IL4R: variants seen among roughly 807,000 people sequenced by gnomAD.
The protein encoded by IL4R is interleukin-4 receptor subunit alpha.
IL4R carries 17 observed loss-of-function variants against 41.5 expected under a neutral mutation model. The ratio of observed to expected loss-of-function variants is 0.41; its 90% CI spans 0.28 to 0.61. The LOEUF is 0.61. IL4R is among the 20% of genes least tolerant of loss of function. IL4R has a pLI of 0.31. For synonymous variants in IL4R, 402 were observed against 422.9 expected (o/e 0.95, Z 0.61); for missense variants, 974 against 1,043.1 (o/e 0.93, Z 0.91).
chr16:27,336,178 C>T (rs1204377566), intron 2 of IL4R, among the ~76,000 whole-genome samples: 5 of 152,080 alleles, frequency 3.3e-5, no homozygotes, highest in Non-Finnish European at 5.9e-5. Context: ...TAACTTAGCT[C>T]GGAACACTTG....
chr16:27,351,508 C>G (rs1034882120), intron 6 of IL4R, among the ~76,000 whole-genome samples: 4 of 113,890 alleles, frequency 3.5e-5, no homozygotes, highest in Non-Finnish European at 6.9e-5. Flanking sequence ...CTCTCTCTCT[C>G]TCTTTTTTTT....
chr16:27,357,618 G>A (rs2086123316), intron 8 of IL4R, among the ~76,000 whole-genome samples: 1 of 149,448 alleles, frequency 6.7e-6, no homozygotes, highest in East Asian at 2.0e-4. Context: ...CGTGTGCCAC[G>A]ACACCCAGCT....
intron 1 of IL4R, among the ~76,000 whole-genome samples, chr16:27,329,112 G>T (rs1471943443): frequency 1.3e-5 from 2 of 151,970 alleles, no homozygotes; most frequent in African/African-American, 4.8e-5. Flanking sequence ...CACAAGATCT[G>T]GTTGTTTAGA....
intron 10 of IL4R, chr16:27,361,138 C>A (rs2086269103): frequency 1.3e-6 from 1 of 787,872 alleles, no homozygotes; most frequent in Non-Finnish European, 1.7e-6. Context: ...ATCCTGAACA[C>A]TCCCCTCCTT....
chr16:27,338,516 G>C (rs2085332190), intron 2 of IL4R, among the ~76,000 whole-genome samples: 1 of 123,970 alleles, frequency 8.1e-6, no homozygotes. Flanking sequence ...ACCACACCTG[G>C]CTTCTGAACA....
chr16:27,326,891 G>A (rs1325576914), intron 1 of IL4R, among the ~76,000 whole-genome samples: 1 of 152,138 alleles, frequency 6.6e-6, no homozygotes, highest in African/African-American at 2.4e-5. Context: ...GGCCTGGCCT[G>A]CCTTACTATC....
chr16:27,322,374 G>C (rs189087786), intron 1 of IL4R, among the ~76,000 whole-genome samples: 1 of 151,960 alleles, frequency 6.6e-6, no homozygotes, highest in Non-Finnish European at 1.5e-5. Context: ...ATGGGATTTC[G>C]CTATGTTTCC....
rs565583339 is a variant in IL4R, at chr16:27,337,528, T to C, written c.-18-2658T>C. ...AAGTGAAGGATGGGCACTTGAAATG[T>C]TGCAGGGAATATAACCCAGCGCGTG... On this transcript the variant is annotated intron_variant, in intron 2 of 10. Coordinates refer to ENST00000395762, the MANE Select transcript of IL4R (RefSeq NM_000418.4). Among the ~76,000 whole-genome samples the C allele has an allele frequency of 1.4e-4, 21 of 152,146 alleles. No individual in the cohort carries two copies. The South Asian group carries it at 4.1e-3, about 30-fold the overall frequency.
rs1394434523 is a variant in IL4R, at chr16:27,343,372, T to G, written c.209+1113T>G. On this transcript the variant is annotated intron_variant, in intron 4 of 10. Transcript: ENST00000395762. ...AGTTTTATTGGAACACACTGGCTGC[T>G]GTAGTTGTAACAGAAACTGCATGGC... 3.3e-5 allele frequency among the ~76,000 whole-genome samples: 5 copies of G among 152,304 alleles called. No homozygotes were observed. In the East Asian group the frequency reaches 7.7e-4, roughly 24 times the overall value.
chr16:27,335,541 A>G (rs914629301), intron 2 of IL4R, among the ~76,000 whole-genome samples: 2 of 152,036 alleles, frequency 1.3e-5, no homozygotes, highest in Non-Finnish European at 2.9e-5. Flanking sequence ...GGCCTCCTCC[A>G]TTTATTGATC....
intron 1 of IL4R, among the ~76,000 whole-genome samples, chr16:27,326,459 C>T (rs965984081): frequency 6.6e-6 from 1 of 152,016 alleles, no homozygotes; most frequent in African/African-American, 2.4e-5. Context: ...ATGATTGTGC[C>T]ATAGCACTCC....
chr16:27,345,099 A>C lies in IL4R; in HGVS notation c.361+79A>C. On this transcript the variant is annotated intron_variant, in intron 5 of 10. Coordinates refer to ENST00000395762, the MANE Select transcript of IL4R (RefSeq NM_000418.4). This position sits in a 1 kb window ranked among gnomAD's most constrained non-coding sequence, Gnocchi z 4.5. ...GGGCTGAGGGTGGGGTGGGCAGGGG[A>C]GGAGGTGGGGTCATAGCAACAGCAG... 1 of 491,900 alleles carries C rather than the reference A, an allele frequency of 2.0e-6. No homozygotes were observed. The highest frequency in any genetic ancestry group is 4.1e-6 in the Non-Finnish European group (1 of 246,218). 30.5% of individuals were successfully genotyped at this position (491,900 alleles called of 1,614,324 possible). A position where few individuals can be genotyped will look rare whatever the true frequency, so the allele number is the denominator to read the frequency against.
chr16:27,358,495 C>T (rs2086173341), intron 8 of IL4R, among the ~76,000 whole-genome samples: 1 of 152,232 alleles, frequency 6.6e-6, no homozygotes, highest in African/African-American at 2.4e-5. Context: ...CATCCCAGGC[C>T]ATTCCCTGGT....
chr16:27,358,195 C>T (rs1043261258), intron 8 of IL4R, among the ~76,000 whole-genome samples: 6 of 152,166 alleles, frequency 3.9e-5, no homozygotes, highest in Admixed American at 6.5e-5. Flanking sequence ...TGCCTGGCCT[C>T]ATATAAGCAT....
chr16:27,316,357 G>A (rs978369074), intron 1 of IL4R, among the ~76,000 whole-genome samples: 5 of 152,156 alleles, frequency 3.3e-5, no homozygotes, highest in Non-Finnish European at 5.9e-5. Context: ...GTGACAGAGC[G>A]AGACTCTGTC....
At chr16:27,352,767 C>T in intron 7 of IL4R, 71 bp downstream of exon 7, 1 of 1,478,732 alleles carries the variant, frequency 6.8e-7, no homozygotes, top group South Asian at 1.2e-5. Flanking sequence ...GACACTTCCC[C>T]TGGCTGAGTC....
chr16:27,352,931 A>G (rs1464305799), intron 7 of IL4R, among the ~76,000 whole-genome samples: 2 of 152,182 alleles, frequency 1.3e-5, no homozygotes, highest in Non-Finnish European at 2.9e-5. Context: ...TTTCTTGCTC[A>G]CGTAACAAGC....
chr16:27,355,123 A>G lies in IL4R; in HGVS notation c.671-685A>G, dbSNP rs553337775. On this transcript the variant is annotated intron_variant, in intron 7 of 10. Transcript: ENST00000395762. Reference sequence around the variant, plus strand: ...AAATCCCCACTCTTGTGGAGCTGACATTCTGGAGGGAGAGACAAAAAGCAA... The same window carrying G: ...AAATCCCCACTCTTGTGGAGCTGACGTTCTGGAGGGAGAGACAAAAAGCAA... The G allele has an allele frequency of 2.7e-5, 11 of 402,566 alleles. No homozygotes were observed. The East Asian group carries it at 7.0e-4, about 26-fold the overall frequency. 24.9% of individuals were successfully genotyped at this position (402,566 alleles called of 1,614,324 possible). A position where few individuals can be genotyped will look rare whatever the true frequency, so the allele number is the denominator to read the frequency against.
chr16:27,342,313 C>G (rs1259415585), intron 4 of IL4R, 54 bp downstream of exon 4: 2 of 1,607,690 alleles, frequency 1.2e-6, no homozygotes, highest in Non-Finnish European at 8.5e-7. Flanking sequence ...AAGGGTTTGC[C>G]CCAAGAGTGA....
Sources: allele counts gnomAD v4.1 joint callset (sites outside exome capture counted in the v4.1 genomes callset), GRCh38; gene constraint gnomAD v4.1.1; non-coding constraint Gnocchi (gnomAD v3.1); transcripts MANE v1.5; gene names NCBI Gene and HGNC (gene_info 2026-07-23, HGNC 2026-07-21).